Variants in CPNE4 observed in about 807,000 individuals in gnomAD.
The protein encoded by CPNE4 is copine-4.
In CPNE4, 25 loss-of-function variants were observed where a neutral mutation model predicts 67.9. That is an observed-to-expected ratio of 0.37 (90% CI 0.27 to 0.51). The LOEUF is 0.51. CPNE4 is among the 20% of genes least tolerant of loss of function. CPNE4 has a pLI of 0.93. For synonymous variants in CPNE4, 242 were observed against 244.9 expected, an observed-to-expected ratio of 0.99 and a Z score of 0.11; for missense variants, 464 against 690.8, an observed-to-expected ratio of 0.67 and a Z score of 3.68.
chr3:131,801,920 C>T (rs940353838), intron 2 of CPNE4, among the ~76,000 whole-genome samples: 11 of 129,664 alleles, frequency 8.5e-5, no homozygotes, highest in Non-Finnish European at 1.8e-4. Flanking sequence ...AGGGACACTG[C>T]TAGGGTAATA....
In CPNE4 at chr3:132,034,627, C is replaced by A. The variant is rs1414042739; in HGVS notation, c.-62G>T. 3.0e-6 allele frequency: 3 copies of A among 985,284 alleles called. No homozygotes were observed. The highest frequency in any genetic ancestry group is 2.4e-6 in the Non-Finnish European group (2 of 830,004). The allele number at this position is 985,284 out of a possible 1,614,324, so 61.0% of individuals were successfully genotyped here. On this transcript the variant is annotated 5_prime_UTR_variant, in exon 1 of 16. Transcript: ENST00000429747. The stretch of plus-strand genomic sequence containing the variant: ...TCAGCCCGGGACGAGGTCTGTCCCG[C>A]CCCCAGGATGCAAAATCCGGCTTTG...
At chr3:131,698,909 CAAAA>C (rs750798265) in intron 4 of CPNE4, among the ~76,000 whole-genome samples, 10 of 87,044 alleles carry the variant, frequency 1.1e-4, no homozygotes, top group South Asian at 8.6e-4. Context: ...GACACTGTCT[CAAAA>C]AAAAAAAAAA....
chr3:131,886,740 C>T (rs954574579), intron 2 of CPNE4, among the ~76,000 whole-genome samples: 3 of 152,164 alleles, frequency 2.0e-5, no homozygotes, highest in African/African-American at 7.2e-5. Context: ...CATTTTGGAG[C>T]TTTAAGATGT....
intron 2 of CPNE4, among the ~76,000 whole-genome samples, chr3:131,748,503 G>T (rs1048109483): frequency 6.6e-6 from 1 of 151,900 alleles, no homozygotes; most frequent in Admixed American, 6.6e-5. Context: ...AGAAGAGATT[G>T]TGTAAATTGG....
At chr3:131,867,629 A>C (rs2087011479) in intron 2 of CPNE4, among the ~76,000 whole-genome samples, 1 of 152,144 alleles carries the variant, frequency 6.6e-6, no homozygotes. Flanking sequence ...ACTGCCTTTG[A>C]TAGTTTAATT....
chr3:131,650,371 G>C (rs2079778063), intron 7 of CPNE4, among the ~76,000 whole-genome samples: 1 of 152,054 alleles, frequency 6.6e-6, no homozygotes, highest in African/African-American at 2.4e-5. Flanking sequence ...GAGTTATAGG[G>C]GCCACCCTAG....
chr3:131,645,933 A>G (rs992463922), intron 7 of CPNE4, among the ~76,000 whole-genome samples: 4 of 152,190 alleles, frequency 2.6e-5, no homozygotes, highest in Non-Finnish European at 5.9e-5. Flanking sequence ...CCTTGGAGAA[A>G]GGCTCAGGAG....
intron 1 of CPNE4, among the ~76,000 whole-genome samples, chr3:132,009,667 G>A (rs2073699960): frequency 6.6e-6 from 1 of 152,152 alleles, no homozygotes; most frequent in African/African-American, 2.4e-5. Flanking sequence ...CAAAAGAGGA[G>A]AAAAAGAAGA....
At chr3:131,814,850 C>A (rs545843045) in intron 2 of CPNE4, among the ~76,000 whole-genome samples, 3 of 151,022 alleles carry the variant, frequency 2.0e-5, no homozygotes, top group Non-Finnish European at 4.4e-5. Flanking sequence ...GTGATCCGCC[C>A]GCCTCGGCCT....
chr3:131,577,597 A>AT, intron 9 of CPNE4, among the ~76,000 whole-genome samples: 1 of 152,260 alleles, frequency 6.6e-6, no homozygotes, highest in East Asian at 1.9e-4. Context: ...ATGGTATAAA[A>AT]TATAATAAAT....
At chr3:131,885,833 T>A (rs9875979) in intron 2 of CPNE4, among the ~76,000 whole-genome samples, 30,584 of 152,158 alleles carry the variant, frequency 0.2, 3,839 homozygotes, top group Non-Finnish European at 0.27. Flanking sequence ...GAATGATGAT[T>A]TCCAATTTCA....
upstream of CPNE4, chr3:132,035,321 T>A (rs543572423): frequency 6.6e-6 from 1 of 152,386 alleles, no homozygotes; most frequent in African/African-American, 2.4e-5. Context: ...GGAGTTACAC[T>A]TTTTGGCACT....
intron 9 of CPNE4, among the ~76,000 whole-genome samples, chr3:131,578,907 G>A (rs1210485867): frequency 6.6e-6 from 1 of 152,152 alleles, no homozygotes; most frequent in South Asian, 2.1e-4. Flanking sequence ...AAAAGTGTAA[G>A]GTAAAGCAGC....
At chr3:131,766,206 C>G (rs138025648) in intron 2 of CPNE4, among the ~76,000 whole-genome samples, 1 of 152,262 alleles carries the variant, frequency 6.6e-6, no homozygotes, top group Non-Finnish European at 1.5e-5. Context: ...GTCCAATACT[C>G]TAAGCCTCAG....
intron 2 of CPNE4, among the ~76,000 whole-genome samples, chr3:131,781,072 T>C (rs2083422034): frequency 6.6e-6 from 1 of 151,932 alleles, no homozygotes; most frequent in Non-Finnish European, 1.5e-5. Context: ...TGGCTAAATG[T>C]TTTAATGAGG....
rs59277847 is a variant in CPNE4 at position 131,942,463 on chromosome 3, T to TGAGA, written c.-1-37023_-1-37020dup. 6.2e-4 allele frequency among the ~76,000 whole-genome samples: 44 copies of TGAGA among 70,764 alleles called. 1 individual carries two copies. The highest frequency in any genetic ancestry group is 1.2e-3 in the South Asian group (2 of 1,626). The allele number at this position is 70,764 out of a possible 152,430, so 46.4% of individuals were successfully genotyped here. A position where few individuals can be genotyped will look rare whatever the true frequency, so the allele number is the denominator to read the frequency against. On this transcript the variant is annotated intron_variant, in intron 1 of 15. Transcript: ENST00000429747. Reference sequence around the variant, plus strand: ...GTGTGTGTGTGTGTGTGTGTGTGTGTGAGAGAGAGAGAGAGAGAGAGAGAG... The same window carrying TGAGA: ...GTGTGTGTGTGTGTGTGTGTGTGTGTGAGAGAGAGAGAGAGAGAGAGAGAGAGAG...
intron 2 of CPNE4, among the ~76,000 whole-genome samples, chr3:131,733,456 A>C (rs1435698596): frequency 6.6e-6 from 1 of 152,248 alleles, no homozygotes; most frequent in Non-Finnish European, 1.5e-5. Context: ...AAAATGTTCC[A>C]GGCCAGAGGA....
chr3:131,983,962 A>G (rs2072974334), intron 1 of CPNE4, among the ~76,000 whole-genome samples: 1 of 152,196 alleles, frequency 6.6e-6, no homozygotes, highest in South Asian at 2.1e-4. Context: ...GTAATCATCA[A>G]GCCTTACAGT....
intron 2 of CPNE4, 95 bp downstream of exon 2, chr3:131,905,169 T>G: frequency 1.9e-6 from 2 of 1,080,516 alleles, no homozygotes; most frequent in Non-Finnish European, 2.7e-6. Flanking sequence ...ATTTCTTATT[T>G]CATCAAAATA....
Sources: gnomAD v4.1 joint callset for allele counts (sites outside exome capture counted in the v4.1 genomes callset) on GRCh38, gnomAD v4.1.1 for gene constraint, MANE v1.5 for transcripts, NCBI Gene and HGNC (gene_info 2026-07-23, HGNC 2026-07-21) for gene names.